The following PHF24 variants were observed in gnomAD, a reference collection of about 807,000 sequenced individuals.
The protein encoded by PHF24 is Galpha inhibitory interacting protein.
A neutral mutation model predicts 42.6 loss-of-function variants in PHF24; 25 were observed. That is an observed-to-expected ratio of 0.59 (90% CI 0.43 to 0.82). The LOEUF (loss-of-function observed/expected upper bound fraction) is 0.82, where lower values mean the gene tolerates loss of function less well. Ranked by LOEUF, PHF24 falls within the 40% of genes least tolerant of loss-of-function variation. The probability of loss-of-function intolerance (pLI) is 0.00; values close to 1 mark genes in which losing one functional copy is unlikely to be tolerated. For synonymous variants in PHF24, 185 were observed against 204.8 expected (o/e 0.90, Z 0.83); for missense variants, 470 against 538.1 (o/e 0.87, Z 1.25).
At chr9:34,839,194 C>G in the PHF24 span, among the ~76,000 whole-genome samples, 6 of 152,184 alleles carry the variant, frequency 3.9e-5, no homozygotes, top group African/African-American at 1.2e-4. Context: ...CTGTCCAAAT[C>G]ATGGTTTTCT....
At chr9:34,856,099 G>A in the PHF24 span, among the ~76,000 whole-genome samples, 6 of 152,110 alleles carry the variant, frequency 3.9e-5, no homozygotes, top group Admixed American at 1.3e-4. Flanking sequence ...TGAAGTTCTT[G>A]TGTTGTGTTT....
At chr9:34,774,969 A>G in the PHF24 span, among the ~76,000 whole-genome samples, 2 of 152,204 alleles carry the variant, frequency 1.3e-5, no homozygotes, top group Non-Finnish European at 2.9e-5. Flanking sequence ...GAAATGTAAA[A>G]TGTTACAGTT....
chr9:34,810,556 C>T, the PHF24 span, among the ~76,000 whole-genome samples: 7 of 152,226 alleles, frequency 4.6e-5, no homozygotes, highest in East Asian at 7.7e-4. Context: ...TGGTGGAGCC[C>T]CCAGAGGGCC....
chr9:34,788,109 C>T, the PHF24 span, among the ~76,000 whole-genome samples: 16 of 152,268 alleles, frequency 1.1e-4, no homozygotes, highest in African/African-American at 3.9e-4. Context: ...GTGATCATGG[C>T]TCACTGCAGC....
the PHF24 span, among the ~76,000 whole-genome samples, chr9:34,719,206 T>G: frequency 6.6e-6 from 1 of 152,200 alleles, no homozygotes; most frequent in African/African-American, 2.4e-5. Context: ...CCCGGCTAAT[T>G]TTTGTAGTTT....
At chr9:34,801,108 T>C in the PHF24 span, among the ~76,000 whole-genome samples, 1 of 152,060 alleles carries the variant, frequency 6.6e-6, no homozygotes, top group Non-Finnish European at 1.5e-5. Context: ...AAAACCACAA[T>C]GAAATACCAT....
chr9:34,963,869 G>A (rs1423212617), intron 1 of PHF24, among the ~76,000 whole-genome samples: 2 of 152,152 alleles, frequency 1.3e-5, no homozygotes, highest in African/African-American at 4.8e-5. Flanking sequence ...GAGTTTTGGA[G>A]ATTTGGTCTC....
chr9:34,814,821 A>G, the PHF24 span, among the ~76,000 whole-genome samples: 1 of 152,098 alleles, frequency 6.6e-6, no homozygotes, highest in Non-Finnish European at 1.5e-5. Context: ...TCTCACTGCA[A>G]CCTCTGCCTC....
chr9:34,972,372 T>G (rs776348253), exon 3 of PHF24: 1 of 1,611,750 alleles, frequency 6.2e-7, no homozygotes, highest in Non-Finnish European at 8.5e-7. Context: ...TGTGTGATGT[T>G]TGTGAGGTCT....
the PHF24 span, among the ~76,000 whole-genome samples, chr9:34,812,860 C>A: frequency 1.3e-5 from 2 of 150,276 alleles, no homozygotes; most frequent in African/African-American, 4.8e-5. Context: ...ATTGAGACTT[C>A]CTTTTTCTGT....
the PHF24 span, among the ~76,000 whole-genome samples, chr9:34,795,756 G>A: frequency 3.3e-5 from 5 of 152,128 alleles, no homozygotes; most frequent in Admixed American, 2.6e-4. Flanking sequence ...CAGCACTTTG[G>A]GAGTCCGAGG....
chr9:34,888,566 A>G, the PHF24 span, among the ~76,000 whole-genome samples: 1 of 152,238 alleles, frequency 6.6e-6, no homozygotes, highest in Non-Finnish European at 1.5e-5. Context: ...GATCTCAGTA[A>G]CAACAGAGAA....
At chr9:34,917,618 G>A in the PHF24 span, 1 of 776,120 alleles carries the variant, frequency 1.3e-6, no homozygotes, top group Non-Finnish European at 2.4e-6. Context: ...CCACCCCTTT[G>A]GTTGGCCTTC....
the PHF24 span, among the ~76,000 whole-genome samples, chr9:34,939,828 T>C: frequency 1.3e-4 from 20 of 152,268 alleles, no homozygotes; most frequent in East Asian, 3.9e-3. Context: ...AAGGGCCAGG[T>C]TAGTGGAACA....
the PHF24 span, among the ~76,000 whole-genome samples, chr9:34,941,817 C>T: frequency 3.4e-3 from 519 of 152,274 alleles, 2 homozygotes; most frequent in African/African-American, 0.012. Flanking sequence ...CCCTCATGAT[C>T]TAATCACTTC....
chr9:34,834,631 G>C, the PHF24 span: 2 of 1,549,260 alleles, frequency 1.3e-6, no homozygotes, highest in Non-Finnish European at 1.7e-6. Flanking sequence ...ACTGAGCTTT[G>C]CCACAGGGCT....
chr9:34,694,765 C>A, the PHF24 span, among the ~76,000 whole-genome samples: 1 of 152,200 alleles, frequency 6.6e-6, no homozygotes, highest in Non-Finnish European at 1.5e-5. Context: ...AACACTGTTC[C>A]CTCCTCTTGC....
At chr9:34,786,788 G>A in the PHF24 span, among the ~76,000 whole-genome samples, 1 of 152,212 alleles carries the variant, frequency 6.6e-6, no homozygotes, top group Non-Finnish European at 1.5e-5. Context: ...AAGAGCTGCT[G>A]AGACTCATGC....
chr9:34,676,779 G>C, the PHF24 span, among the ~76,000 whole-genome samples: 4 of 152,322 alleles, frequency 2.6e-5, no homozygotes, highest in South Asian at 8.3e-4. Context: ...AGAAGCTGAA[G>C]GGGGAGCAGG....
Sources: gnomAD v4.1 joint callset for allele counts (sites outside exome capture counted in the v4.1 genomes callset) on GRCh38, gnomAD v4.1.1 for gene constraint, MANE v1.5 for transcripts, NCBI Gene and HGNC (gene_info 2026-07-23, HGNC 2026-07-21) for gene names.